Variants in EPB41L1 observed in about 807,000 individuals in gnomAD.
The protein encoded by EPB41L1 is erythrocyte membrane protein band 4.1 like 1, also known as band 4.1-like protein 1.
A neutral mutation model predicts 97.8 loss-of-function variants in EPB41L1; 29 were observed. That is an observed-to-expected ratio of 0.30 (90% CI 0.22 to 0.40). The LOEUF is 0.40. EPB41L1 is among the 10% of genes least tolerant of loss of function. The pLI is 1.00. For missense variants in EPB41L1, 812 were observed against 1,162.3 expected (o/e 0.70, Z 4.38); for synonymous variants, 383 against 459.2 (o/e 0.83, Z 2.12).
intron 6 of EPB41L1, among the ~76,000 whole-genome samples, chr20:36,182,974 G>C (rs953540220): frequency 6.6e-6 from 1 of 152,180 alleles, no homozygotes; most frequent in Admixed American, 6.5e-5. Context: ...CTGGGCTGTT[G>C]GGGCAAGCGT....
rs1011184480 is a variant in EPB41L1 at position 36,093,857 on chromosome 20, C to T, written c.-65+2245C>T. On this transcript the variant is annotated intron_variant, in intron 1 of 19. Transcript: ENST00000202028. This position sits in a 1 kb window ranked among gnomAD's most constrained non-coding sequence, Gnocchi z 5.4. ...TGTCCCCTCCGGCCTCCCCCCAGCC[C>T]CCCACCAGACCTAGCCTGTGCCAGT... Among the ~76,000 whole-genome samples, 2 of 152,092 alleles carry T rather than the reference C, an allele frequency of 1.3e-5. No homozygotes were observed. Among genetic ancestry groups the T allele is most frequent in the African/African-American group, 4.8e-5 (2 of 41,424 alleles).
In EPB41L1 at chr20:36,190,848, G is replaced by C; in HGVS notation, c.1300+51G>C. On this transcript the variant is annotated intron_variant, in intron 11 of 21. Transcript: ENST00000338074. This position sits in a 1 kb window ranked among gnomAD's most constrained non-coding sequence, Gnocchi z 5.8. ...CGGGGAATGGTCTTCAGAGGGAACT[G>C]GGGGAGTGGGCATGCTGGGTTCTGC... 1 of 1,602,492 alleles carries C rather than the reference G, an allele frequency of 6.2e-7. No individual in the cohort carries two copies. The highest frequency in any genetic ancestry group is 8.5e-7 in the Non-Finnish European group (1 of 1,177,128).
rs1358429962 is a variant in EPB41L1 at position 36,188,625 on chromosome 20, CACACACACACACACACAGAG to C, written c.1026+128_1026+147del. The C allele has an allele frequency of 1.1e-3, 790 of 687,028 alleles. 8 individuals are homozygous for C. In the African/African-American group the frequency reaches 0.014, roughly 12 times the overall value. The allele number at this position is 687,028 out of a possible 1,614,324, so 42.6% of individuals were successfully genotyped here. On this transcript the variant is annotated intron_variant, in intron 9 of 21. Coordinates refer to ENST00000338074, the MANE Select transcript of EPB41L1 (RefSeq NM_012156.2). ...ACACACACACACACACACACACACACACACACACACACACACAGAGAGAGAGAGAGAGAGAGAGAGAGAGG... is the reference window on the plus strand; with the variant it reads ...ACACACACACACACACACACACACACAGAGAGAGAGAGAGAGAGAGAGAGG...
At chr20:36,122,369 G>A (rs532262324) in intron 2 of EPB41L1, among the ~76,000 whole-genome samples, 10 of 152,324 alleles carry the variant, frequency 6.6e-5, no homozygotes, top group African/African-American at 2.4e-4. Flanking sequence ...TGGTGGAGCC[G>A]CTCAGCTGTG....
chr20:36,153,174 G>T, upstream of EPB41L1: 4 of 446,282 alleles, frequency 9.0e-6, 1 homozygote, highest in Non-Finnish European at 1.8e-5. Flanking sequence ...TTCTCTAAAG[G>T]GTGCTGAGGA....
At chr20:36,225,046 T>G (rs1288299387) in intron 21 of EPB41L1, among the ~76,000 whole-genome samples, 4 of 152,310 alleles carry the variant, frequency 2.6e-5, no homozygotes, top group Non-Finnish European at 5.9e-5. Context: ...GGCCTCAAAC[T>G]CCTGACCTCA....
intron 3 of EPB41L1, among the ~76,000 whole-genome samples, chr20:36,176,828 C>T (rs1446927673): frequency 6.6e-6 from 1 of 151,884 alleles, no homozygotes; most frequent in East Asian, 1.9e-4. Context: ...GACAGGGTTT[C>T]ACCATGTTGC....
chr20:36,150,097 C>T (rs142636887), upstream of EPB41L1, among the ~76,000 whole-genome samples: 5,258 of 142,738 alleles, frequency 0.037, 131 homozygotes, highest in Non-Finnish European at 0.053. Context: ...GACGGAGTTT[C>T]GCTCTTGTCC....
chr20:36,222,471 T>A, intron 21 of EPB41L1, 77 bp downstream of exon 21: 1 of 1,213,158 alleles, frequency 8.2e-7, no homozygotes, highest in Non-Finnish European at 1.2e-6. Flanking sequence ...CATTTCCATC[T>A]GAGAAGCCAG....
intron 14 of EPB41L1, chr20:36,205,951 C>A (rs2062773855): frequency 2.3e-6 from 3 of 1,289,870 alleles, no homozygotes; most frequent in Non-Finnish European, 3.0e-6. Flanking sequence ...GCAGGCAGGC[C>A]TTGCTGGTAT....
At chr20:36,166,419 C>T (rs1159767735) in intron 1 of EPB41L1, among the ~76,000 whole-genome samples, 1 of 152,186 alleles carries the variant, frequency 6.6e-6, no homozygotes, top group African/African-American at 2.4e-5. Flanking sequence ...TAGCAAATAG[C>T]AGACTACAAA....
chr20:36,187,395 G>C (rs1159746960), intron 7 of EPB41L1, among the ~76,000 whole-genome samples: 1 of 152,190 alleles, frequency 6.6e-6, no homozygotes, highest in African/African-American at 2.4e-5. Context: ...AGTCAACTCA[G>C]TGGCAGAATG....
At position 36,206,183 on chromosome 20, in the gene EPB41L1, A is replaced by G. The variant is rs1359254463; in HGVS notation, c.1669-3305A>G. On this transcript the variant is annotated intron_variant, in intron 14 of 21. Coordinates refer to ENST00000338074, the MANE Select transcript of EPB41L1 (RefSeq NM_012156.2). The surrounding 1 kb of genome is among the most constrained non-coding windows in gnomAD (Gnocchi z 5.5). ...GCTTCCGGCCGCACATTGGCAGAAAAGCTCCTCGAGGGCTCTGAGCTCAGG... is the reference window on the plus strand; with the variant it reads ...GCTTCCGGCCGCACATTGGCAGAAAGGCTCCTCGAGGGCTCTGAGCTCAGG... 1.6e-6 allele frequency: 2 copies of G among 1,289,752 alleles called. No individual in the cohort carries two copies. The highest frequency in any genetic ancestry group is 5.5e-5 in the East Asian group (1 of 18,038). 79.9% of individuals were successfully genotyped at this position (1,289,752 alleles called of 1,614,324 possible).
chr20:36,197,796 G>C, intron 13 of EPB41L1, 63 bp from the exon 14 acceptor site: 2 of 1,613,292 alleles, frequency 1.2e-6, no homozygotes, highest in East Asian at 4.5e-5. Flanking sequence ...CATCATCCCT[G>C]CACCCTGCAT....
chr20:36,171,418 A>T (rs1440518405), intron 1 of EPB41L1, among the ~76,000 whole-genome samples: 1 of 152,182 alleles, frequency 6.6e-6, no homozygotes, highest in Non-Finnish European at 1.5e-5. Flanking sequence ...AGCAGAGAGT[A>T]GTGGCTTGAG....
intron 1 of EPB41L1, among the ~76,000 whole-genome samples, chr20:36,158,882 G>T (rs1033056968): frequency 1.3e-5 from 2 of 152,212 alleles, no homozygotes; most frequent in African/African-American, 4.8e-5. Context: ...TCGACTTGAC[G>T]TGAGCCGGGA....
rs561815579 is a variant in EPB41L1 at position 36,210,071 on chromosome 20, C to T, written c.2079+173C>T. On this transcript the variant is annotated intron_variant, in intron 15 of 21. Transcript: ENST00000338074. ...TTCTGTGCTCGCATGTTTGCCATCTCGGTTTACCCCTAACACGCGCTCCTT... is the reference window on the plus strand; with the variant it reads ...TTCTGTGCTCGCATGTTTGCCATCTTGGTTTACCCCTAACACGCGCTCCTT... 2.6e-5 allele frequency among the ~76,000 whole-genome samples: 4 copies of T among 152,322 alleles called. No individual in the cohort carries two copies. In the East Asian group the frequency reaches 5.8e-4, roughly 22 times the overall value.
chr20:36,161,802 C>T (rs1407212348), intron 1 of EPB41L1, among the ~76,000 whole-genome samples: 1 of 152,090 alleles, frequency 6.6e-6, no homozygotes, highest in Admixed American at 6.6e-5. Context: ...ACTCTGTCAC[C>T]CAGGCTGGAG....
rs570679401 is a variant in EPB41L1, at chr20:36,206,190, C to T, written c.1669-3298C>T. ...GCCGCACATTGGCAGAAAAGCTCCTCGAGGGCTCTGAGCTCAGGGCAGACA... is the reference window on the plus strand; with the variant it reads ...GCCGCACATTGGCAGAAAAGCTCCTTGAGGGCTCTGAGCTCAGGGCAGACA... On this transcript the variant is annotated intron_variant, in intron 14 of 21. Transcript: ENST00000338074. The surrounding 1 kb of genome is among the most constrained non-coding windows in gnomAD (Gnocchi z 5.5). 129 of 1,289,878 alleles carry T rather than the reference C, an allele frequency of 1.0e-4. No individual in the cohort carries two copies. Among genetic ancestry groups the T allele is most frequent in the Admixed American group, 8.3e-4 (36 of 43,578 alleles). 79.9% of individuals were successfully genotyped at this position (1,289,878 alleles called of 1,614,324 possible).
Sources: allele counts gnomAD v4.1 joint callset (sites outside exome capture counted in the v4.1 genomes callset), GRCh38; gene constraint gnomAD v4.1.1; non-coding constraint Gnocchi (gnomAD v3.1); transcripts MANE v1.5; gene names NCBI Gene and HGNC (gene_info 2026-07-23, HGNC 2026-07-21).